The following COX7B2 variants were observed in gnomAD, a reference collection of about 807,000 sequenced individuals.
COX7B2 encodes cytochrome c oxidase subunit 7B2.
For missense variants in COX7B2, 109 were observed against 95.9 expected, an observed-to-expected ratio of 1.14 and a Z score of -0.57; for synonymous variants, 37 against 32.1, an observed-to-expected ratio of 1.15 and a Z score of -0.51.
intron 2 of COX7B2, among the ~76,000 whole-genome samples, chr4:46,819,232 C>T (rs1714093513): frequency 1.3e-5 from 2 of 152,048 alleles, no homozygotes; most frequent in South Asian, 2.1e-4. Context: ...CTTCCCAACC[C>T]ACTCTCATTT....
intron 2 of COX7B2, among the ~76,000 whole-genome samples, chr4:46,793,808 A>T (rs188936818): frequency 6.6e-6 from 1 of 152,230 alleles, no homozygotes; most frequent in East Asian, 1.9e-4. Flanking sequence ...AAATAATGGG[A>T]TCCTATAAAT....
chr4:46,752,259 C>A (rs1465987453), intron 2 of COX7B2, among the ~76,000 whole-genome samples: 1 of 151,644 alleles, frequency 6.6e-6, no homozygotes, highest in African/African-American at 2.4e-5. Flanking sequence ...GATTTTTGCA[C>A]ATTGATTTTG....
At chr4:46,853,712 CTGTT>C (rs963760846) in intron 1 of COX7B2, among the ~76,000 whole-genome samples, 13 of 151,768 alleles carry the variant, frequency 8.6e-5, no homozygotes, top group Middle Eastern at 3.4e-3. Flanking sequence ...TTTGTTTTAA[CTGTT>C]TGTTTATTAA....
At chr4:46,755,027 C>A (rs1415183426) in intron 2 of COX7B2, among the ~76,000 whole-genome samples, 1 of 151,208 alleles carries the variant, frequency 6.6e-6, no homozygotes, top group Non-Finnish European at 1.5e-5. Context: ...AACACAGATG[C>A]AAAAATCCTC....
intron 1 of COX7B2, among the ~76,000 whole-genome samples, chr4:46,889,524 C>A (rs1252166885): frequency 6.6e-6 from 1 of 152,136 alleles, no homozygotes; most frequent in Non-Finnish European, 1.5e-5. Context: ...AACGGGGAAG[C>A]AAGATAGGCA....
chr4:46,898,403 T>C (rs1167285112), intron 1 of COX7B2, among the ~76,000 whole-genome samples: 1 of 152,078 alleles, frequency 6.6e-6, no homozygotes, highest in Non-Finnish European at 1.5e-5. Context: ...CTGATTCAAA[T>C]GTCTCTCCAT....
rs766001089 is a variant in COX7B2, at chr4:46,734,981, C to G, written c.212G>C (p.Gly71Ala). ...IGIEWNLSPVGRVTPKEWKHQ is the reference protein window; with the variant it reads ...IGIEWNLSPVARVTPKEWKHQ ...TTTCCACTCTTTTGGGGTAACTCTGCCAACAGGGGATAGGTTCCATTCTAT... is the reference window on the plus strand; with the variant it reads ...TTTCCACTCTTTTGGGGTAACTCTGGCAACAGGGGATAGGTTCCATTCTAT... Residue 71 changes from glycine (G) to alanine (A), a missense_variant, in exon 3 of 3, where the codon GGC (glycine) becomes GCC (alanine). Transcript: ENST00000355591. 9 of 1,613,986 alleles carry G rather than the reference C, an allele frequency of 5.6e-6. No homozygotes were observed. The highest frequency in any genetic ancestry group is 1.7e-5 in the Admixed American group (1 of 59,988).
chr4:46,830,351 A>G (rs1714988953), intron 2 of COX7B2, among the ~76,000 whole-genome samples: 1 of 151,760 alleles, frequency 6.6e-6, no homozygotes, highest in East Asian at 1.9e-4. Flanking sequence ...AAAGAAAAAG[A>G]AAGAGAAAAC....
At chr4:46,905,387 A>G (rs1720319249) in intron 1 of COX7B2, among the ~76,000 whole-genome samples, 2 of 152,200 alleles carry the variant, frequency 1.3e-5, no homozygotes, top group Non-Finnish European at 2.9e-5. Flanking sequence ...CCCAAAGCAC[A>G]CTGTGTTCTT....
chr4:46,840,577 T>C (rs1339495490), intron 2 of COX7B2, among the ~76,000 whole-genome samples: 1 of 152,022 alleles, frequency 6.6e-6, no homozygotes, highest in Non-Finnish European at 1.5e-5. Flanking sequence ...AGTAGGCATT[T>C]GATCTATCAG....
intron 2 of COX7B2, among the ~76,000 whole-genome samples, chr4:46,777,759 A>T (rs546407676): frequency 6.6e-6 from 1 of 152,194 alleles, no homozygotes; most frequent in African/African-American, 2.4e-5. Flanking sequence ...ATAGCTGGAC[A>T]TTGCAGCTGG....
At chr4:46,813,410 G>A (rs1264719216) in intron 2 of COX7B2, among the ~76,000 whole-genome samples, 1 of 152,038 alleles carries the variant, frequency 6.6e-6, no homozygotes, top group Non-Finnish European at 1.5e-5. Flanking sequence ...CACTTCAAAA[G>A]CACAGATAAT....
chr4:46,763,185 A>G (rs910652535), intron 2 of COX7B2, among the ~76,000 whole-genome samples: 15 of 136,466 alleles, frequency 1.1e-4, no homozygotes, highest in Non-Finnish European at 1.8e-4. Flanking sequence ...TATATACTGT[A>G]AATATATAAT....
At chr4:46,853,306 C>A (rs1716811602) in intron 1 of COX7B2, among the ~76,000 whole-genome samples, 1 of 152,106 alleles carries the variant, frequency 6.6e-6, no homozygotes, top group South Asian at 2.1e-4. Context: ...TCATTCTAAT[C>A]CACATAACAA....
chr4:46,758,894 A>C (rs1269562193), intron 2 of COX7B2, among the ~76,000 whole-genome samples: 1 of 152,156 alleles, frequency 6.6e-6, no homozygotes, highest in Non-Finnish European at 1.5e-5. Context: ...CAAAGGGTAG[A>C]CCATAAATAA....
intron 1 of COX7B2, among the ~76,000 whole-genome samples, chr4:46,854,591 C>T (rs7356340): frequency 6.6e-6 from 1 of 152,124 alleles, no homozygotes; most frequent in African/African-American, 2.4e-5. Flanking sequence ...AGCACAGTGC[C>T]TTAACACACA....
chr4:46,805,810 A>G (rs1391369966), intron 2 of COX7B2, among the ~76,000 whole-genome samples: 2 of 152,286 alleles, frequency 1.3e-5, no homozygotes, highest in South Asian at 2.1e-4. Context: ...AAATATATAT[A>G]AAACAAAATA....
intron 2 of COX7B2, among the ~76,000 whole-genome samples, chr4:46,789,335 A>C (rs1717913739): frequency 6.6e-6 from 1 of 152,168 alleles, no homozygotes; most frequent in Non-Finnish European, 1.5e-5. Context: ...AATATAGAAG[A>C]CCAATATTAT....
At chr4:46,802,240 G>A (rs1718694579) in intron 2 of COX7B2, among the ~76,000 whole-genome samples, 1 of 152,144 alleles carries the variant, frequency 6.6e-6, no homozygotes, top group African/African-American at 2.4e-5. Flanking sequence ...TTTTAGGTAG[G>A]TAGAAGCCCA....
Sources: allele counts gnomAD v4.1 joint callset (sites outside exome capture counted in the v4.1 genomes callset), GRCh38; gene constraint gnomAD v4.1.1; transcripts MANE v1.5; gene names NCBI Gene and HGNC (gene_info 2026-07-23, HGNC 2026-07-21).